The following DNA2 variants were observed in gnomAD, a reference collection of about 807,000 sequenced individuals.
The protein encoded by DNA2 is DNA replication ATP-dependent helicase/nuclease DNA2.
In DNA2, 101 loss-of-function variants were observed where a neutral mutation model predicts 119.1. The ratio of observed to expected loss-of-function variants is 0.85; its 90% CI spans 0.72 to 1.00. The LOEUF (loss-of-function observed/expected upper bound fraction) is 1.00, where lower values mean the gene tolerates loss of function less well. Ranked by LOEUF, DNA2 falls within the 50% of genes least tolerant of loss-of-function variation. The probability of loss-of-function intolerance (pLI) is 0.00; values close to 1 mark genes in which losing one functional copy is unlikely to be tolerated. For missense variants in DNA2, 1,121 were observed against 1,255.5 expected (o/e 0.89, Z 1.62); for synonymous variants, 366 against 424.4 (o/e 0.86, Z 1.69).
rs1244229131 is a variant in DNA2 at position 68,422,344 on chromosome 10, G to A, written c.2578C>T (p.Leu860=). The A allele has an allele frequency of 6.2e-7, 1 of 1,613,784 alleles. No homozygotes were observed. Among genetic ancestry groups the A allele is most frequent in the African/African-American group, 1.3e-5 (1 of 74,908 alleles). Residue 860 remains leucine, a synonymous_variant, in exon 17 of 21, where the codon CTA becomes TTA. Coordinates refer to ENST00000358410, the MANE Select transcript of DNA2 (RefSeq NM_001080449.3). ...AGCTTCACATCTTTAAAGTGACGTA[G>A]GTTTATCACTGCATTGGCCACTTTG... The part of the protein sequence containing the change: ...SDKVANAVIN[L]RHFKDVKLEL...
chr10:68,468,085 C>T (rs1347028447), intron 3 of DNA2, 38 bp downstream of exon 3: 2 of 1,444,626 alleles, frequency 1.4e-6, no homozygotes, highest in Admixed American at 2.3e-5. Context: ...GTAAAACTCT[C>T]AGACCCTGCA....
chr10:68,419,683 G>T, intron 18 of DNA2, 120 bp downstream of exon 18: 1 of 685,904 alleles, frequency 1.5e-6, no homozygotes, highest in South Asian at 1.9e-5. Context: ...AAACAATGGG[G>T]CTTCAATCCC....
intron 1 of DNA2, chr10:68,470,570 T>C (rs1473961068): frequency 8.9e-6 from 4 of 451,758 alleles, no homozygotes; most frequent in African/African-American, 2.0e-5. Flanking sequence ...GATACGATCA[T>C]GCTACTGCAC....
upstream of DNA2, chr10:68,472,012 C>T (rs1167476473): frequency 2.5e-5 from 41 of 1,608,886 alleles, no homozygotes; most frequent in Non-Finnish European, 3.5e-5. Flanking sequence ...CTGCGCCAGG[C>T]CGCCCCTCCC....
At chr10:68,424,861 C>T in intron 14 of DNA2, 1 of 778,818 alleles carries the variant, frequency 1.3e-6, no homozygotes, top group Non-Finnish European at 2.3e-6. Flanking sequence ...GGTACTCACC[C>T]AAACAAGGTG....
intron 15 of DNA2, 28 bp downstream of exon 15, chr10:68,422,669 T>C: frequency 6.2e-7 from 1 of 1,613,588 alleles, no homozygotes; most frequent in Non-Finnish European, 8.5e-7. Context: ...TAATCTAGTT[T>C]AAAATTAACA....
chr10:68,430,789 C>T, intron 13 of DNA2, 129 bp from the exon 14 acceptor site: 2 of 703,032 alleles, frequency 2.8e-6, no homozygotes, highest in South Asian at 4.1e-5. Flanking sequence ...GAAGCCAAAA[C>T]ATTTTACAAA....
intron 7 of DNA2, 82 bp from the exon 8 acceptor site, chr10:68,445,165 G>A: frequency 1.5e-6 from 2 of 1,321,348 alleles, no homozygotes; most frequent in Non-Finnish European, 2.1e-6. Context: ...AAAACTTGCA[G>A]ATTTAAAAAC....
intron 6 of DNA2, 36 bp downstream of exon 6, chr10:68,449,990 AAG>A (rs1371278657): frequency 7.2e-7 from 1 of 1,392,254 alleles, no homozygotes; most frequent in Non-Finnish European, 9.7e-7. Flanking sequence ...AAAAAAAAAA[AAG>A]TATAAAACAG....
chr10:68,443,340 A>G (rs1319222887), intron 8 of DNA2, among the ~76,000 whole-genome samples: 1 of 152,176 alleles, frequency 6.6e-6, no homozygotes. Flanking sequence ...ACTATCCCCC[A>G]AACAACTCAG....
intron 5 of DNA2, among the ~76,000 whole-genome samples, chr10:68,453,105 T>C (rs1382061024): frequency 6.6e-6 from 1 of 151,904 alleles, no homozygotes; most frequent in African/African-American, 2.4e-5. Context: ...TTTCACCATG[T>C]TGGCCAGGCT....
upstream of DNA2, among the ~76,000 whole-genome samples, chr10:68,472,475 C>T (rs556864669): frequency 7.9e-5 from 12 of 152,336 alleles, no homozygotes; most frequent in South Asian, 2.5e-3. Context: ...AGGCTCACGC[C>T]TGTAATCCCA....
Position 68,470,070 on chromosome 10 carries a change from C to A in DNA2, c.168G>T (p.Gln56His). The change falls in exon 2 of 21, where the codon CAG (glutamine) becomes CAT (histidine). Residue 56 changes from glutamine to histidine, a missense_variant. Physicochemically the swap from Gln to His is conservative, Grantham distance 24. Transcript: ENST00000358410. ...GCTTTTCACAGTTTCCCTCTTTGTT[C>A]TGTACAGTATTGACTGCCAACACCA... ...RYLVLAVNTV[Q>H]NKEGNCEKRL... The A allele has an allele frequency of 6.2e-7, 1 of 1,613,910 alleles. No individual in the cohort carries two copies. Among genetic ancestry groups the A allele is most frequent in the South Asian group, 1.1e-5 (1 of 91,060 alleles).
chr10:68,470,248 C>A, intron 1 of DNA2, 85 bp from the exon 2 acceptor site: 1 of 1,217,400 alleles, frequency 8.2e-7, no homozygotes, highest in East Asian at 2.6e-5. Flanking sequence ...ACCAATCTTC[C>A]AGTTTTCTAG....
At chr10:68,450,574 T>C (rs10458637) in intron 5 of DNA2, among the ~76,000 whole-genome samples, 13,564 of 152,210 alleles carry the variant, frequency 0.089, 916 homozygotes, top group South Asian at 0.24. Context: ...GCTCTGCTCA[T>C]GGAATTTAGT....
intron 9 of DNA2, among the ~76,000 whole-genome samples, chr10:68,440,726 T>C (rs2051957024): frequency 6.6e-6 from 1 of 152,170 alleles, no homozygotes; most frequent in Non-Finnish European, 1.5e-5. Context: ...CTATCCACAA[T>C]TACATAAACT....
At chr10:68,463,690 A>T (rs1590075390) in intron 4 of DNA2, among the ~76,000 whole-genome samples, 2 of 144,450 alleles carry the variant, frequency 1.4e-5, no homozygotes, top group East Asian at 4.2e-4. Context: ...AAAAAGATAC[A>T]ACTTACAATT....
At chr10:68,457,933 G>A (rs1389090156) in intron 5 of DNA2, among the ~76,000 whole-genome samples, 2 of 152,072 alleles carry the variant, frequency 1.3e-5, no homozygotes, top group African/African-American at 4.8e-5. Flanking sequence ...AGCAGGTTGG[G>A]AGGCCAAGGT....
At chr10:68,472,040 G>A (rs752974837), upstream of DNA2, 12 of 1,604,734 alleles carry the variant, frequency 7.5e-6, no homozygotes, top group South Asian at 1.1e-5. Flanking sequence ...CGCGTTCCAC[G>A]TGGGGCCCCT....
Sources: gnomAD v4.1 joint callset for allele counts (sites outside exome capture counted in the v4.1 genomes callset) on GRCh38, gnomAD v4.1.1 for gene constraint, MANE v1.5 for transcripts, NCBI Gene and HGNC (gene_info 2026-07-23, HGNC 2026-07-21) for gene names.